The following GRIK5 variants were observed in gnomAD, a reference collection of about 807,000 sequenced individuals.
GRIK5 encodes the protein glutamate ionotropic receptor kainate type subunit 5, also known as glutamate receptor ionotropic, kainate 5.
Under a neutral mutation model 97.4 loss-of-function variants are expected in GRIK5, and 43 were observed. The observed-to-expected ratio is 0.44, with a 90% CI of 0.35 to 0.57. The LOEUF is 0.57. Ranked by LOEUF, GRIK5 falls within the 20% of genes least tolerant of loss-of-function variation. The pLI is 0.01. For synonymous variants in GRIK5, 580 were observed against 583.5 expected (o/e 0.99, Z 0.09); for missense variants, 1,015 against 1,382.0 (o/e 0.73, Z 4.21).
At chr19:42,056,386 G>A (rs139746938) in intron 8 of GRIK5, among the ~76,000 whole-genome samples, 65 of 152,304 alleles carry the variant, frequency 4.3e-4, no homozygotes, top group African/African-American at 1.4e-3. Flanking sequence ...TGCTTCTCTC[G>A]GAAAGTGCAC....
chr19:42,039,987 A>G (rs1417660678), intron 12 of GRIK5, among the ~76,000 whole-genome samples: 1 of 152,018 alleles, frequency 6.6e-6, no homozygotes, highest in Non-Finnish European at 1.5e-5. Context: ...CTCAAAGGAA[A>G]AAAAAAAAAG....
In GRIK5 at chr19:42,042,970, T is replaced by C. The variant is rs969092440; in HGVS notation, c.1270-215A>G. The C allele has an allele frequency of 1.0e-5, 6 of 578,604 alleles. No homozygotes were observed. The highest frequency in any genetic ancestry group is 2.1e-5 in the South Asian group (1 of 46,812). The allele number at this position is 578,604 out of a possible 1,614,324, so 35.8% of individuals were successfully genotyped here. A position where few individuals can be genotyped will look rare whatever the true frequency, so the allele number is the denominator to read the frequency against. ...ATGGGTACTGCCAGTTCCTAGCAGA[T>C]TGCAGGGAGCCATTTTAATCTTCAG... On this transcript the variant is annotated intron_variant, in intron 11 of 19. Coordinates refer to ENST00000593562, the MANE Select transcript of GRIK5 (RefSeq NM_002088.5). This position sits in a 1 kb window ranked among gnomAD's most constrained non-coding sequence, Gnocchi z 6.9.
In GRIK5 at chr19:42,029,799, C is replaced by T. The variant is rs535849650; in HGVS notation, c.1474-7445G>A. On this transcript the variant is annotated intron_variant, in intron 12 of 19. Coordinates refer to ENST00000593562, the MANE Select transcript of GRIK5 (RefSeq NM_002088.5). The stretch of plus-strand genomic sequence containing the variant: ...CTCACTCCAGATGAAAAAAGCCTTA[C>T]GGGCTGTAGGGAAAGTAAATGGATT... Among the ~76,000 whole-genome samples, 37 of 152,282 alleles carry T rather than the reference C, an allele frequency of 2.4e-4. No individual in the cohort carries two copies. In the South Asian group the frequency reaches 2.9e-3, roughly 12 times the overall value.
At chr19:42,034,986 TG>T (rs1033119121) in intron 12 of GRIK5, among the ~76,000 whole-genome samples, 4 of 152,142 alleles carry the variant, frequency 2.6e-5, no homozygotes, top group African/African-American at 9.7e-5. Flanking sequence ...TAAATGTAGC[TG>T]GTTTGTTTTT....
chr19:42,068,890 C>T, intron 1 of GRIK5: 1 of 683,238 alleles, frequency 1.5e-6, no homozygotes, highest in Non-Finnish European at 2.7e-6. Context: ...CTCAGAGGAA[C>T]AGAAAGAGCC....
chr19:42,030,446 C>T (rs991527837), intron 12 of GRIK5, among the ~76,000 whole-genome samples: 4 of 151,830 alleles, frequency 2.6e-5, no homozygotes, highest in Admixed American at 6.6e-5. Context: ...CGCGAGCCAC[C>T]GTGCCCAGCC....
At position 42,022,224 on chromosome 19, in the gene GRIK5, C is replaced by A; in HGVS notation, c.1587+17G>T. ...CCATGCCAGGCAAGCAGCCCATGGTCTCCAGGGGAACCATACCATGTGCAC... is the reference window on the plus strand; with the variant it reads ...CCATGCCAGGCAAGCAGCCCATGGTATCCAGGGGAACCATACCATGTGCAC... On this transcript the variant is annotated intron_variant, in intron 13 of 19. Transcript: ENST00000593562. This position sits in a 1 kb window ranked among gnomAD's most constrained non-coding sequence, Gnocchi z 4.2. 6.4e-7 allele frequency: 1 copy of A among 1,569,380 alleles called. No individual in the cohort carries two copies. The highest frequency in any genetic ancestry group is 1.3e-5 in the African/African-American group (1 of 74,238).
rs2076267811 is a variant in GRIK5 at position 42,062,169 on chromosome 19, TC to T, written c.508+318del. Among the ~76,000 whole-genome samples the T allele has an allele frequency of 6.6e-6, 1 of 152,114 alleles. No homozygotes were observed. Among genetic ancestry groups the T allele is most frequent in the Non-Finnish European group, 1.5e-5 (1 of 68,018 alleles). ...TGCCTCCTGGCAGCACACATACCAC[TC>T]TGTATCACAACAGCTCAATGACCAA... On this transcript the variant is annotated intron_variant, in intron 5 of 19. Coordinates refer to ENST00000593562, the MANE Select transcript of GRIK5 (RefSeq NM_002088.5). This position sits in a 1 kb window ranked among gnomAD's most constrained non-coding sequence, Gnocchi z 5.3.
chr19:42,008,481 G>T (rs1442397618), intron 15 of GRIK5, among the ~76,000 whole-genome samples: 12 of 152,172 alleles, frequency 7.9e-5, no homozygotes, highest in African/African-American at 2.9e-4. Flanking sequence ...ACAAAAATTA[G>T]CTGGGTGTGA....
In GRIK5 at chr19:42,021,927, C is replaced by T. The variant is rs1424565677; in HGVS notation, c.1697+20G>A. ...CGTGCCTCCTCCAGCCCCTTCCTTC[C>T]CAGTAGGCAGTGGACTCACCTGGCA... On this transcript the variant is annotated intron_variant, in intron 14 of 19. Coordinates refer to ENST00000593562, the MANE Select transcript of GRIK5 (RefSeq NM_002088.5). This position sits in a 1 kb window ranked among gnomAD's most constrained non-coding sequence, Gnocchi z 4.2. 5 of 1,552,030 alleles carry T rather than the reference C, an allele frequency of 3.2e-6. No individual in the cohort carries two copies. Among genetic ancestry groups the T allele is most frequent in the Non-Finnish European group, 4.4e-6 (5 of 1,128,100 alleles).
Position 42,068,548 on chromosome 19 carries a change from G to A in GRIK5, c.-51+693C>T, listed in dbSNP as rs2076373975. 1.5e-5 allele frequency: 6 copies of A among 401,368 alleles called. No homozygotes were observed. In the East Asian group the frequency reaches 1.8e-4, roughly 12 times the overall value. The allele number at this position is 401,368 out of a possible 1,614,324, so 24.9% of individuals were successfully genotyped here. ...GGGGGAAAGAGGTGGAAAAGTGACA[G>A]AGGGAAGACAGCCTCCAAGCTCAGA... On this transcript the variant is annotated intron_variant, in intron 1 of 19. Coordinates refer to ENST00000593562, the MANE Select transcript of GRIK5 (RefSeq NM_002088.5).
At chr19:42,018,584 G>T (rs961058448) in intron 15 of GRIK5, among the ~76,000 whole-genome samples, 1 of 147,746 alleles carries the variant, frequency 6.8e-6, no homozygotes, top group African/African-American at 2.5e-5. Context: ...ACTTGATCCC[G>T]GGAGGTGGAG....
rs755237346 is a variant in GRIK5, at chr19:42,021,678, CAGAG to C, written c.1698-208_1698-205del. 6.6e-6 allele frequency among the ~76,000 whole-genome samples: 1 copy of C among 151,862 alleles called. No individual in the cohort carries two copies. The highest frequency in any genetic ancestry group is 2.4e-5 in the African/African-American group (1 of 41,336). ...AGGCAGAGAGAGACACAGAGATACT[CAGAG>C]AGAAATAGAGAAGGGAGGAGGCAAA... On this transcript the variant is annotated intron_variant, in intron 14 of 19. Coordinates refer to ENST00000593562, the MANE Select transcript of GRIK5 (RefSeq NM_002088.5). The surrounding 1 kb of genome is among the most constrained non-coding windows in gnomAD (Gnocchi z 4.2).
chr19:42,011,638 A>G (rs1271594475), intron 15 of GRIK5, among the ~76,000 whole-genome samples: 1 of 152,128 alleles, frequency 6.6e-6, no homozygotes, highest in African/African-American at 2.4e-5. Context: ...AAAACAAAGA[A>G]GTACAGTTAA....
chr19:42,021,471 C>A lies in GRIK5; in HGVS notation c.1701G>T (p.Leu567=). The A allele has an allele frequency of 6.4e-7, 1 of 1,560,144 alleles. No individual in the cohort carries two copies. The highest frequency in any genetic ancestry group is 8.7e-7 in the Non-Finnish European group (1 of 1,149,256). The change falls in exon 15 of 20, where the codon CTG becomes CTT. Residue 567 remains leucine (L), a synonymous_variant. Transcript: ENST00000593562. This position sits in a 1 kb window ranked among gnomAD's most constrained non-coding sequence, Gnocchi z 4.2. ...GTGGGTTATACCACTCATAGGGGCT[C>A]AGCCTGTGGAGAGACGTGCAGCGTG... ...VSCVLFLAAR[L]SPYEWYNPHP...
rs377324696 is a variant in GRIK5, at chr19:42,062,807, G to C, written c.293C>G (p.Ser98Cys). 2 of 1,614,096 alleles carry C rather than the reference G, an allele frequency of 1.2e-6. No homozygotes were observed. Among genetic ancestry groups the C allele is most frequent in the South Asian group, 1.1e-5 (1 of 91,086 alleles). Residue 98 changes from serine to cysteine, a missense_variant, in exon 4 of 20, where the codon TCT (serine) becomes TGT (cysteine). Around this residue, in one of 5 missense-constraint regions of GRIK5, gnomAD observed 198 missense variants for 218.2 expected, o/e 0.91. Transcript: ENST00000593562. This position sits in a 1 kb window ranked among gnomAD's most constrained non-coding sequence, Gnocchi z 5.3. ...KGVVSVLGPS[S>C]SPASASTVSH... ...CACGGTGGAGGCAGATGCTGGGCTA[G>C]AGGAGGGCCCAAGGACAGACACAAC...
In GRIK5 at chr19:42,021,511, A is replaced by T; in HGVS notation, c.1698-37T>A. On this transcript the variant is annotated intron_variant, in intron 14 of 19. Transcript: ENST00000593562. The surrounding 1 kb of genome is among the most constrained non-coding windows in gnomAD (Gnocchi z 4.2). ...CGTGCAGCGTGTGGATGGGGCCCAG[A>T]GCCCAGGTGGGGAGGAAAAGGAAAG... 1 of 1,478,588 alleles carries T rather than the reference A, an allele frequency of 6.8e-7. No individual in the cohort carries two copies. The highest frequency in any genetic ancestry group is 9.0e-7 in the Non-Finnish European group (1 of 1,109,650). The allele number at this position is 1,478,588 out of a possible 1,614,324, so 91.6% of individuals were successfully genotyped here. A position where few individuals can be genotyped will look rare whatever the true frequency, so the allele number is the denominator to read the frequency against.
chr19:42,024,176 C>T (rs1388203585), intron 12 of GRIK5, among the ~76,000 whole-genome samples: 1 of 151,902 alleles, frequency 6.6e-6, no homozygotes, highest in Non-Finnish European at 1.5e-5. Flanking sequence ...CCCCACCTCA[C>T]TCCCACTCTA....
rs3736109 is a variant in GRIK5 at position 42,054,477 on chromosome 19, G to A, written c.904-5C>T. On this transcript the variant is annotated splice_polypyrimidine_tract_variant and splice_region_variant and intron_variant, in intron 8 of 19. Coordinates refer to ENST00000593562, the MANE Select transcript of GRIK5 (RefSeq NM_002088.5). Reference sequence around the variant, plus strand: ...AAACATCAGGGCGGCTGACAGCTGCGGTGGGACAGAGGCGGGGGTGGGATG... The same window carrying A: ...AAACATCAGGGCGGCTGACAGCTGCAGTGGGACAGAGGCGGGGGTGGGATG... 0.11 allele frequency: 179,050 copies of A among 1,611,422 alleles called. 10,672 individuals carry two copies. Among genetic ancestry groups the A allele is most frequent in the Middle Eastern group, 0.19 (1,169 of 6,054 alleles).
Sources: allele counts gnomAD v4.1 joint callset (sites outside exome capture counted in the v4.1 genomes callset), GRCh38; gene constraint gnomAD v4.1.1; regional missense constraint gnomAD v4.1.1; non-coding constraint Gnocchi (gnomAD v3.1); transcripts MANE v1.5; gene names NCBI Gene and HGNC (gene_info 2026-07-23, HGNC 2026-07-21).